The following APTX variants were observed in gnomAD, a reference collection of about 807,000 sequenced individuals.
APTX encodes the protein aprataxin, also known as forkhead-associated domain histidine triad-like protein.
APTX carries 33 observed loss-of-function variants against 42.3 expected under a neutral mutation model. The ratio of observed to expected loss-of-function variants is 0.78; its 90% CI spans 0.59 to 1.04. The LOEUF (loss-of-function observed/expected upper bound fraction) is 1.04. Among genes scored for constraint, APTX ranks in the 50% least tolerant of loss-of-function variants. APTX has a pLI of 0.00. For missense variants in APTX, 421 were observed against 415.1 expected (o/e 1.01, Z -0.12); for synonymous variants, 130 against 146.7 (o/e 0.89, Z 0.82).
chr9:33,016,823 G>A (rs1837936135), intron 1 of APTX, among the ~76,000 whole-genome samples: 1 of 152,156 alleles, frequency 6.6e-6, no homozygotes, highest in East Asian at 1.9e-4. Context: ...TCACCAGACT[G>A]TGTAGTGCTG....
rs1312474930 is a variant in APTX, at chr9:32,984,747, C to T, written c.654G>A (p.Arg218=). Residue 218 remains arginine (R), a synonymous_variant, in exon 6 of 8, where the codon AGG becomes AGA. Coordinates refer to ENST00000379817, the MANE Select transcript of APTX (RefSeq NM_001195248.2). ...TSISSLKAVA[R]EHLELLKHMH... The stretch of plus-strand genomic sequence containing the variant: ...TATGCTTAAGGAGTTCAAGGTGTTC[C>T]CTGGCCACAGCCTTCAGACTGGAAA... 6.2e-7 allele frequency: 1 copy of T among 1,614,170 alleles called. No homozygotes were observed. The highest frequency in any genetic ancestry group is 2.2e-5 in the East Asian group (1 of 44,884).
chr9:32,997,657 A>G (rs774073596), intron 1 of APTX, among the ~76,000 whole-genome samples: 1 of 152,244 alleles, frequency 6.6e-6, no homozygotes, highest in African/African-American at 2.4e-5. Flanking sequence ...GAAATAGCAC[A>G]GTACCCATGA....
chr9:32,974,644 G>A (rs1828908898), intron 6 of APTX, 83 bp from the exon 7 acceptor site: 1 of 775,252 alleles, frequency 1.3e-6, no homozygotes, highest in South Asian at 1.4e-5. Flanking sequence ...TGAGTACATT[G>A]TATATTCATA....
chr9:33,015,917 G>C (rs1053925562), intron 1 of APTX: 19 of 152,136 alleles, frequency 1.2e-4, no homozygotes, highest in Non-Finnish European at 2.6e-4. Context: ...GAATTTTTGT[G>C]CAGGGAAGGA....
chr9:33,010,836 T>G (rs945941109), intron 1 of APTX, among the ~76,000 whole-genome samples: 3 of 150,956 alleles, frequency 2.0e-5, no homozygotes, highest in Non-Finnish European at 3.0e-5. Context: ...AAAAAACAAG[T>G]GGGATATAGA....
chr9:33,021,625 A>T (rs1299163534), intron 1 of APTX, among the ~76,000 whole-genome samples: 1 of 152,118 alleles, frequency 6.6e-6, no homozygotes, highest in South Asian at 2.1e-4. Flanking sequence ...GAGTTCAAGA[A>T]CAGCCTGGGC....
At chr9:32,985,825 A>G (rs1043063176) in intron 5 of APTX, 146 bp downstream of exon 5, 59 of 795,748 alleles carry the variant, frequency 7.4e-5, no homozygotes, top group Non-Finnish European at 1.2e-4. Flanking sequence ...CCAATGTGAA[A>G]AGCCTCTTGT....
intron 1 of APTX, among the ~76,000 whole-genome samples, chr9:33,023,280 G>A (rs953692065): frequency 4.6e-5 from 7 of 151,674 alleles, no homozygotes; most frequent in African/African-American, 1.7e-4. Flanking sequence ...CTGGAGTATA[G>A]CGGCACCATC....
intron 1 of APTX, among the ~76,000 whole-genome samples, chr9:33,013,122 TGAATAG>T (rs1050410394): frequency 6.6e-6 from 1 of 152,242 alleles, no homozygotes; most frequent in African/African-American, 2.4e-5. Context: ...TTCCTCTGTT[TGAATAG>T]GATAATTTCT....
intron 1 of APTX, among the ~76,000 whole-genome samples, chr9:33,015,062 C>T (rs966921339): frequency 4.6e-5 from 7 of 152,174 alleles, no homozygotes; most frequent in African/African-American, 1.7e-4. Context: ...TGCCTTTTAG[C>T]TTTGTCTCTG....
rs1830277347 is a variant in APTX, at chr9:32,979,726, TCA to T, written c.770+4903_770+4904del. The T allele has an allele frequency of 1.1e-4, 18 of 170,370 alleles. No individual in the cohort carries two copies. The South Asian group carries it at 2.3e-3, about 22-fold the overall frequency. 10.6% of individuals were successfully genotyped at this position (170,370 alleles called of 1,614,324 possible). A position where few individuals can be genotyped will look rare whatever the true frequency, so the allele number is the denominator to read the frequency against. The stretch of plus-strand genomic sequence containing the variant: ...GTTTTTCCATATCTCTCTGAGCCCA[TCA>T]CTAGCCATTTCCTCTGCCATCATTC... On this transcript the variant is annotated intron_variant, in intron 6 of 7. Coordinates refer to ENST00000379817, the MANE Select transcript of APTX (RefSeq NM_001195248.2).
At chr9:32,991,536 C>T (rs1833634119) in intron 1 of APTX, among the ~76,000 whole-genome samples, 1 of 152,112 alleles carries the variant, frequency 6.6e-6, no homozygotes, top group South Asian at 2.1e-4. Context: ...GTAATCCCAG[C>T]ACTTTGGGAG....
At chr9:32,989,259 G>A (rs1444100566) in intron 2 of APTX, among the ~76,000 whole-genome samples, 1 of 152,206 alleles carries the variant, frequency 6.6e-6, no homozygotes, top group Non-Finnish European at 1.5e-5. Flanking sequence ...CCAGCAGTGT[G>A]CATGTTTACA....
At position 32,978,304 on chromosome 9, in the gene APTX, T is replaced by C. The variant is rs567163811; in HGVS notation, c.771-3743A>G. 1.7e-4 allele frequency among the ~76,000 whole-genome samples: 26 copies of C among 152,352 alleles called. No individual in the cohort carries two copies. The South Asian group carries it at 2.9e-3, about 17-fold the overall frequency. The stretch of plus-strand genomic sequence containing the variant: ...TTCCCAGGTATGGGAATGGCAGTCT[T>C]ATGACCTACCATCAAACAAGGTAGA... On this transcript the variant is annotated intron_variant, in intron 6 of 7. Coordinates refer to ENST00000379817, the MANE Select transcript of APTX (RefSeq NM_001195248.2).
In APTX at chr9:32,987,580, C is replaced by A; in HGVS notation, c.447G>T (p.Val149=). The A allele has an allele frequency of 6.2e-7, 1 of 1,614,104 alleles. No individual in the cohort carries two copies. The highest frequency in any genetic ancestry group is 2.2e-5 in the East Asian group (1 of 44,882). ...GTGCATCTTTTCCCTTCTTTAGGGG[C>A]ACAGAGCATTGGCCAGAGTTGCTCC... is the stretch of plus-strand genomic sequence containing the variant. ...EPGSNSGQCS[V]PLKKGKDAPI... is the part of the protein sequence containing the mutation. The change falls in exon 4 of 8, where the codon GTG becomes GTT. Residue 149 remains valine (V), a synonymous_variant. Transcript: ENST00000379817.
chr9:32,986,042 AC>A lies in APTX; in HGVS notation c.484-13del, dbSNP rs754565169. 7.6e-4 allele frequency: 693 copies of A among 912,654 alleles called. 8 individuals carry two copies. The highest frequency in any genetic ancestry group is 6.7e-3 in the African/African-American group (276 of 41,194). 56.5% of individuals were successfully genotyped at this position (912,654 alleles called of 1,614,324 possible). A position where few individuals can be genotyped will look rare whatever the true frequency, so the allele number is the denominator to read the frequency against. On this transcript the variant is annotated splice_polypyrimidine_tract_variant and intron_variant, in intron 4 of 7. Coordinates refer to ENST00000379817, the MANE Select transcript of APTX (RefSeq NM_001195248.2). Reference sequence around the variant, plus strand: ...TGGCCCAGGGATTCCTAAAAAAAAAACAAAAAAAAAAACAAAAAAAAAAAAA... The same window carrying A: ...TGGCCCAGGGATTCCTAAAAAAAAAAAAAAAAAAAAACAAAAAAAAAAAAA...
intron 1 of APTX, among the ~76,000 whole-genome samples, chr9:32,995,205 G>A (rs989269950): frequency 1.3e-5 from 2 of 152,310 alleles, no homozygotes; most frequent in African/African-American, 4.8e-5. Flanking sequence ...GGGTATAGCT[G>A]CTATCAACTG....
In APTX at chr9:32,995,369, T is replaced by C. The variant is rs372601310; in HGVS notation, c.-4-5474A>G. On this transcript the variant is annotated intron_variant, in intron 1 of 7. Coordinates refer to ENST00000379817, the MANE Select transcript of APTX (RefSeq NM_001195248.2). ...TGGAAAAAGTTGATTCCAACCCTTA[T>C]GGATGACTTTCAGGGGTTCAAGACT... Among the ~76,000 whole-genome samples, 281 of 152,324 alleles carry C rather than the reference T, an allele frequency of 1.8e-3. 2 individuals carry two copies. The highest frequency in any genetic ancestry group is 6.2e-3 in the African/African-American group (257 of 41,564).
At chr9:33,001,529 C>G in intron 1 of APTX, 38 bp downstream of exon 1, 2 of 1,613,168 alleles carry the variant, frequency 1.2e-6, no homozygotes, top group East Asian at 4.5e-5. Flanking sequence ...CGGCATTGAG[C>G]CCAGCCAGCA....
Sources: gnomAD v4.1 joint callset for allele counts (sites outside exome capture counted in the v4.1 genomes callset) on GRCh38, gnomAD v4.1.1 for gene constraint, MANE v1.5 for transcripts, NCBI Gene and HGNC (gene_info 2026-07-23, HGNC 2026-07-21) for gene names.